The following SMAD9 variants were observed in gnomAD, a reference collection of about 807,000 sequenced individuals.
SMAD9 encodes the protein MAD homolog 9.
A neutral mutation model predicts 46.1 loss-of-function variants in SMAD9; 36 were observed. That is an observed-to-expected ratio of 0.78 (90% CI 0.60 to 1.03). The LOEUF (loss-of-function observed/expected upper bound fraction) is 1.03. Ranked by LOEUF, SMAD9 falls within the 50% of genes least tolerant of loss-of-function variation. SMAD9 has a pLI of 0.00. For synonymous variants in SMAD9, 245 were observed against 237.1 expected (o/e 1.03, Z -0.31); for missense variants, 572 against 599.8 (o/e 0.95, Z 0.48).
intron 6 of SMAD9, chr13:36,852,004 T>C (rs2058078673): frequency 1.0e-6 from 1 of 982,722 alleles, no homozygotes; most frequent in African/African-American, 1.7e-5. Context: ...AATGATGCCC[T>C]CTGCCGTTTC....
intron 1 of SMAD9, among the ~76,000 whole-genome samples, chr13:36,893,825 G>A (rs550197872): frequency 6.6e-5 from 10 of 152,190 alleles, no homozygotes; most frequent in Admixed American, 5.9e-4. Context: ...AGGCAGGGGA[G>A]TAGCCCAACA....
chr13:36,857,733 A>G (rs562157897), intron 5 of SMAD9, among the ~76,000 whole-genome samples: 2 of 152,250 alleles, frequency 1.3e-5, no homozygotes, highest in African/African-American at 4.8e-5. Flanking sequence ...AGGAAGGTGC[A>G]GGGATACCCT....
At chr13:36,914,500 C>CAG (rs1209290264) in intron 1 of SMAD9, among the ~76,000 whole-genome samples, 1 of 152,102 alleles carries the variant, frequency 6.6e-6, no homozygotes, top group Non-Finnish European at 1.5e-5. Context: ...GCCTGGGCGA[C>CAG]AGAGAGAGAC....
At chr13:36,890,508 C>T (rs1199270609) in intron 1 of SMAD9, among the ~76,000 whole-genome samples, 2 of 152,160 alleles carry the variant, frequency 1.3e-5, no homozygotes, top group Non-Finnish European at 2.9e-5. Flanking sequence ...ATGTTCCCAG[C>T]ATGTCCTTCA....
chr13:36,861,384 G>A (rs2058180285), intron 5 of SMAD9, among the ~76,000 whole-genome samples: 1 of 151,596 alleles, frequency 6.6e-6, no homozygotes, highest in South Asian at 2.1e-4. Context: ...GCACAGTCTT[G>A]GCTCACTGCA....
chr13:36,917,437 T>C (rs1233465887), intron 1 of SMAD9, among the ~76,000 whole-genome samples: 1 of 151,802 alleles, frequency 6.6e-6, no homozygotes, highest in African/African-American at 2.4e-5. Context: ...TTCAACCCAC[T>C]AGCAACAGTA....
At chr13:36,897,229 C>A (rs1354128393) in intron 1 of SMAD9, among the ~76,000 whole-genome samples, 1 of 152,140 alleles carries the variant, frequency 6.6e-6, no homozygotes, top group Non-Finnish European at 1.5e-5. Flanking sequence ...GTTCCCAAAC[C>A]CTTATGCACT....
intron 1 of SMAD9, among the ~76,000 whole-genome samples, chr13:36,890,614 T>A (rs935570178): frequency 6.6e-6 from 1 of 152,182 alleles, no homozygotes; most frequent in Non-Finnish European, 1.5e-5. Context: ...TTGTTTAAAG[T>A]AGGTGTTTAA....
intron 1 of SMAD9, among the ~76,000 whole-genome samples, chr13:36,907,028 T>C (rs559054307): frequency 2.2e-4 from 33 of 152,240 alleles, no homozygotes; most frequent in South Asian, 2.1e-3. Flanking sequence ...TTGTTATATA[T>C]ATACAATAAA....
rs557402397 is a variant in SMAD9 at position 36,900,406 on chromosome 13, G to A, written c.-187+19710C>T. On this transcript the variant is annotated intron_variant, in intron 1 of 6. Transcript: ENST00000379826. Reference sequence around the variant, plus strand: ...AGTGATTCTCCTGCCTCAGCCTCCTGAGTAGCTGGGATTACAGGCGCATGC... The same window carrying A: ...AGTGATTCTCCTGCCTCAGCCTCCTAAGTAGCTGGGATTACAGGCGCATGC... Among the ~76,000 whole-genome samples, 5 of 152,002 alleles carry A rather than the reference G, an allele frequency of 3.3e-5. No individual in the cohort carries two copies. The East Asian group carries it at 7.8e-4, about 24-fold the overall frequency.
At chr13:36,900,512 C>CTCGT in intron 1 of SMAD9, among the ~76,000 whole-genome samples, 1 of 152,000 alleles carries the variant, frequency 6.6e-6, no homozygotes, top group East Asian at 1.9e-4. Flanking sequence ...AACTCCTGAC[C>CTCGT]TCGTGATCCA....
intron 3 of SMAD9, among the ~76,000 whole-genome samples, chr13:36,870,974 G>A (rs145020033): frequency 1.2e-4 from 19 of 152,238 alleles, no homozygotes; most frequent in African/African-American, 3.6e-4. Flanking sequence ...AGGATGGCAC[G>A]AAGTTTCATC....
chr13:36,899,240 C>T (rs2058554126), intron 1 of SMAD9, among the ~76,000 whole-genome samples: 1 of 152,030 alleles, frequency 6.6e-6, no homozygotes, highest in Admixed American at 6.6e-5. Flanking sequence ...AGGGAGAACT[C>T]GAAAATGACA....
At chr13:36,919,219 G>A (rs1360293255) in intron 1 of SMAD9, among the ~76,000 whole-genome samples, 6 of 152,190 alleles carry the variant, frequency 3.9e-5, no homozygotes, top group African/African-American at 1.2e-4. Context: ...AGGGCAGGAG[G>A]AGGAAGGAAT....
At chr13:36,909,916 G>A (rs1036879415) in intron 1 of SMAD9, among the ~76,000 whole-genome samples, 2 of 152,148 alleles carry the variant, frequency 1.3e-5, no homozygotes, top group Admixed American at 6.5e-5. Context: ...AAAAACAACC[G>A]GCTGGGCGCA....
intron 1 of SMAD9, among the ~76,000 whole-genome samples, chr13:36,914,598 T>C (rs925196607): frequency 3.9e-5 from 6 of 152,180 alleles, no homozygotes; most frequent in Admixed American, 1.3e-4. Context: ...ACTCCAATTC[T>C]CTCACTGTGA....
chr13:36,872,867 A>G lies in SMAD9; in HGVS notation c.461T>C (p.Leu154Pro), dbSNP rs1268715839. ...VPRHSEYNPQ[L>P]SLLAKFRSAS... The stretch of plus-strand genomic sequence containing the variant: ...GCTGCGGAACTTGGCCAGGAGGCTG[A>G]GCTGGGGGTTATATTCACTGTGTCT... The change falls in exon 3 of 7, where the codon CTC becomes CCC. Residue 154 changes from leucine (L) to proline (P), a missense_variant. Leu to Pro is a moderately conservative substitution (Grantham distance 98). Coordinates refer to ENST00000379826, the MANE Select transcript of SMAD9 (RefSeq NM_001127217.3). 4.3e-6 allele frequency: 7 copies of G among 1,614,006 alleles called. No homozygotes were observed.
At position 36,846,107 on chromosome 13, in the gene SMAD9, G is replaced by A. The variant is rs1034128829; in HGVS notation, c.*2569C>T. ...CCCAAAGTGCTGGGACTATAGGAAT[G>A]AGCCACTGCATCCAGATTTTTTTTT... On this transcript the variant is annotated 3_prime_UTR_variant, in exon 7 of 7. Transcript: ENST00000379826. 2 of 151,998 alleles carry A rather than the reference G, an allele frequency of 1.3e-5. No individual in the cohort carries two copies. The highest frequency in any genetic ancestry group is 4.8e-5 in the African/African-American group (2 of 41,378). 9.4% of individuals were successfully genotyped at this position (151,998 alleles called of 1,614,324 possible).
rs2058028593 is a variant in SMAD9, at chr13:36,844,861, T to C, written c.*3815A>G. The stretch of plus-strand genomic sequence containing the variant: ...GTACAGTATTCTTTATTATAAACAA[T>C]CAGATAACAGTATAAGTGTGCATTT... On this transcript the variant is annotated 3_prime_UTR_variant, in exon 7 of 7. Transcript: ENST00000379826. The C allele has an allele frequency of 6.6e-6, 1 of 152,040 alleles. No homozygotes were observed. The highest frequency in any genetic ancestry group is 2.1e-4 in the South Asian group (1 of 4,824). The allele number at this position is 152,040 out of a possible 1,614,324, so 9.4% of individuals were successfully genotyped here.
Sources: gnomAD v4.1 joint callset for allele counts (sites outside exome capture counted in the v4.1 genomes callset) on GRCh38, gnomAD v4.1.1 for gene constraint, MANE v1.5 for transcripts, NCBI Gene and HGNC (gene_info 2026-07-23, HGNC 2026-07-21) for gene names.